The following FTCDNL1 variants were observed in gnomAD, a reference collection of about 807,000 sequenced individuals.
FTCDNL1 encodes the protein formiminotransferase N-terminal subdomain-containing protein.
In FTCDNL1, 11 loss-of-function variants were observed where a neutral mutation model predicts 5.9. The ratio of observed to expected loss-of-function variants is 1.87; its 90% confidence interval spans 1.18 to 3.10. The LOEUF is 3.10. Ranked by LOEUF, FTCDNL1 falls within the 30% of genes most tolerant of loss-of-function variation. The probability of loss-of-function intolerance (pLI) is 0.00; values close to 1 mark genes in which losing one functional copy is unlikely to be tolerated. For missense variants in FTCDNL1, 115 were observed against 65.5 expected (o/e 1.76, Z -2.61); for synonymous variants, 58 against 24.8 (o/e 2.34, Z -3.99).
the FTCDNL1 span, among the ~76,000 whole-genome samples, chr2:199,693,032 G>A: frequency 6.6e-6 from 1 of 152,170 alleles, no homozygotes; most frequent in African/African-American, 2.4e-5. Context: ...GCCATTTCTT[G>A]CTGTATTTAT....
At chr2:199,671,291 T>C in the FTCDNL1 span, among the ~76,000 whole-genome samples, 7 of 151,692 alleles carry the variant, frequency 4.6e-5, no homozygotes, top group Non-Finnish European at 1.5e-5. Flanking sequence ...AGTGATATCA[T>C]AAATGAGGTG....
the FTCDNL1 span, among the ~76,000 whole-genome samples, chr2:199,719,568 G>A: frequency 1.3e-5 from 2 of 152,138 alleles, no homozygotes; most frequent in African/African-American, 4.8e-5. Flanking sequence ...GAAAAATGAT[G>A]GTAATTTGAT....
chr2:199,750,476 A>G, the FTCDNL1 span, among the ~76,000 whole-genome samples: 1 of 152,238 alleles, frequency 6.6e-6, no homozygotes, highest in East Asian at 1.9e-4. Context: ...TCAGGGGGGA[A>G]AAGGTTGTTT....
rs1701045163 is a variant in FTCDNL1, at chr2:199,811,670, C to T, written c.*1035G>A. 6.6e-6 allele frequency among the ~76,000 whole-genome samples: 1 copy of T among 152,234 alleles called. No individual in the cohort carries two copies. On this transcript the variant is annotated 3_prime_UTR_variant, in exon 5 of 5. Coordinates refer to ENST00000420128, the MANE Select transcript of FTCDNL1 (RefSeq NM_001363886.2). ...TTGGGGCTTTCCCCATGACATGGGT[C>T]ATTCCATCCCTGTAGCCCTGGGACT...
At chr2:199,808,505 C>T (rs1700848621), downstream of FTCDNL1, among the ~76,000 whole-genome samples, 1 of 152,186 alleles carries the variant, frequency 6.6e-6, no homozygotes, top group Admixed American at 6.5e-5. Flanking sequence ...CATCATCCAT[C>T]TCCAGAACAT....
intron 3 of FTCDNL1, among the ~76,000 whole-genome samples, chr2:199,788,189 G>T (rs1699754597): frequency 6.6e-6 from 1 of 152,166 alleles, no homozygotes; most frequent in Non-Finnish European, 1.5e-5. Flanking sequence ...TGATAAAGAT[G>T]CCATTTTTTC....
chr2:199,711,454 C>T, the FTCDNL1 span, among the ~76,000 whole-genome samples: 1 of 151,974 alleles, frequency 6.6e-6, no homozygotes, highest in East Asian at 1.9e-4. Flanking sequence ...TTAATACTCC[C>T]TTGAAAATGA....
At chr2:199,774,571 A>G (rs1698967052) in intron 3 of FTCDNL1, among the ~76,000 whole-genome samples, 2 of 152,210 alleles carry the variant, frequency 1.3e-5, no homozygotes, top group African/African-American at 4.8e-5. Flanking sequence ...CTAGCCTTGA[A>G]CATTTACCAG....
the FTCDNL1 span, among the ~76,000 whole-genome samples, chr2:199,730,320 C>T: frequency 1.7e-4 from 26 of 152,218 alleles, no homozygotes; most frequent in African/African-American, 6.0e-4. Flanking sequence ...GCAACTGCAA[C>T]GAAAGCAAAA....
chr2:199,691,028 A>C, the FTCDNL1 span, among the ~76,000 whole-genome samples: 8 of 152,388 alleles, frequency 5.2e-5, no homozygotes, highest in African/African-American at 1.9e-4. Context: ...CCAAAAGCTA[A>C]GAAATAAAAA....
At chr2:199,774,193 G>A (rs986216232) in intron 3 of FTCDNL1, among the ~76,000 whole-genome samples, 42 of 152,236 alleles carry the variant, frequency 2.8e-4, no homozygotes, top group East Asian at 9.7e-4. Context: ...CATCCTAGCC[G>A]TGTGTTAGAA....
the FTCDNL1 span, among the ~76,000 whole-genome samples, chr2:199,683,251 A>G: frequency 6.6e-6 from 1 of 152,210 alleles, no homozygotes; most frequent in African/African-American, 2.4e-5. Context: ...AATTGGGATT[A>G]ATATATTAAA....
chr2:199,697,497 A>G, the FTCDNL1 span, among the ~76,000 whole-genome samples: 1 of 152,194 alleles, frequency 6.6e-6, no homozygotes, highest in Non-Finnish European at 1.5e-5. Flanking sequence ...AAGAAAAGAA[A>G]TTCCAGCCAA....
chr2:199,758,957 A>T (rs1698165557), downstream of FTCDNL1, among the ~76,000 whole-genome samples: 1 of 152,232 alleles, frequency 6.6e-6, no homozygotes, highest in African/African-American at 2.4e-5. Context: ...AGAGTTTAAA[A>T]GAATGGGGTA....
At position 199,760,837 on chromosome 2, in the gene FTCDNL1, T is replaced by G. The variant is rs62178283; in HGVS notation, c.212-2A>C. The stretch of plus-strand genomic sequence containing the variant: ...TTTAGGCTTGGTTGCGCTTGTCCAC[T>G]GGGAATAAGGGAAGGAGAGATTAGT... On this transcript the variant is annotated splice_acceptor_variant, in intron 3 of 3. Coordinates refer to the FTCDNL1 transcript ENST00000416668. LOFTEE classifies it high-confidence loss of function. The G allele has an allele frequency of 1.8e-4, 128 of 702,204 alleles. No homozygotes were observed. The highest frequency in any genetic ancestry group is 3.0e-4 in the Non-Finnish European group (114 of 384,820). 43.5% of individuals were successfully genotyped at this position (702,204 alleles called of 1,614,324 possible). A position where few individuals can be genotyped will look rare whatever the true frequency, so the allele number is the denominator to read the frequency against.
chr2:199,669,467 C>T, the FTCDNL1 span, among the ~76,000 whole-genome samples: 1 of 152,116 alleles, frequency 6.6e-6, no homozygotes, highest in Non-Finnish European at 1.5e-5. Context: ...GTTAGAAATA[C>T]TGGAACTGAT....
chr2:199,759,141 G>GTATA (rs369553395), downstream of FTCDNL1, among the ~76,000 whole-genome samples: 12 of 150,262 alleles, frequency 8.0e-5, no homozygotes, highest in Non-Finnish European at 1.2e-4. Flanking sequence ...ATTTGTGTGT[G>GTATA]TATATATATA....
chr2:199,846,356 T>TC (rs2076732766), intron 2 of FTCDNL1, among the ~76,000 whole-genome samples, 186 bp from the exon 3 acceptor site: 1 of 152,202 alleles, frequency 6.6e-6, no homozygotes, highest in Non-Finnish European at 1.5e-5. Context: ...AGCATCTTAT[T>TC]GTATAACCAG....
rs2076563396 is a variant in FTCDNL1, at chr2:199,840,760, A to AT, written c.211+5314dup. On this transcript the variant is annotated intron_variant, in intron 3 of 4. Transcript: ENST00000420128. The stretch of plus-strand genomic sequence containing the variant: ...AGAATAAACCCCCCTACAGTATGTG[A>AT]TTTTTAGCTACATGCCTGTATCATT... 2.6e-5 allele frequency among the ~76,000 whole-genome samples: 4 copies of AT among 152,206 alleles called. No individual in the cohort carries two copies. In the South Asian group the frequency reaches 8.3e-4, roughly 32 times the overall value.
Sources: gnomAD v4.1 joint callset for allele counts (sites outside exome capture counted in the v4.1 genomes callset) on GRCh38, gnomAD v4.1.1 for gene constraint, MANE v1.5 for transcripts, NCBI Gene and HGNC (gene_info 2026-07-23, HGNC 2026-07-21) for gene names.